The following EVL variants were observed in gnomAD, a reference collection of about 807,000 sequenced individuals.
The protein encoded by EVL is ena/VASP-like protein.
EVL carries 21 observed loss-of-function variants against 59.6 expected under a neutral mutation model. The observed-to-expected ratio is 0.35, with a 90% CI of 0.25 to 0.51. EVL has a LOEUF of 0.51. Ranked by LOEUF, EVL falls within the 20% of genes least tolerant of loss-of-function variation. EVL has a pLI of 0.97. For synonymous variants in EVL, 198 were observed against 203.5 expected, an observed-to-expected ratio of 0.97 and a Z score of 0.23; for missense variants, 462 against 546.6, an observed-to-expected ratio of 0.85 and a Z score of 1.54.
chr14:100,135,611 G>T, intron 8 of EVL: 1 of 351,494 alleles, frequency 2.8e-6, no homozygotes, highest in Non-Finnish European at 5.3e-6. Flanking sequence ...TCCGGCCCAA[G>T]GGGGGCTCAG....
intron 13 of EVL, chr14:100,142,086 C>T (rs908292005): frequency 2.6e-5 from 7 of 274,230 alleles, no homozygotes; most frequent in Admixed American, 4.5e-5. Flanking sequence ...GAGGGGAGAC[C>T]CCAGCATCGT....
intron 2 of EVL, among the ~76,000 whole-genome samples, chr14:100,088,224 G>A (rs189663232): frequency 6.6e-6 from 1 of 152,294 alleles, no homozygotes; most frequent in East Asian, 1.9e-4. Flanking sequence ...GACCTCCAAA[G>A]CCTTTGCCAG....
intron 1 of EVL, among the ~76,000 whole-genome samples, chr14:99,979,436 G>A (rs776743578): frequency 3.3e-5 from 5 of 151,500 alleles, no homozygotes; most frequent in Non-Finnish European, 7.4e-5. Flanking sequence ...CCATATTTCT[G>A]ACATTTAAGT....
Position 100,097,366 on chromosome 14 carries a change from C to T in EVL, c.181-115C>T, listed in dbSNP as rs190399374. ...ATATTGCTTTTCCCTTCTTCAAACCCCATCCCCATCTTCCTGTCCTCTCAA... is the reference window on the plus strand; with the variant it reads ...ATATTGCTTTTCCCTTCTTCAAACCTCATCCCCATCTTCCTGTCCTCTCAA... On this transcript the variant is annotated intron_variant, in intron 2 of 13. Coordinates refer to ENST00000392920, the MANE Select transcript of EVL (RefSeq NM_016337.3). 381 of 891,286 alleles carry T rather than the reference C, an allele frequency of 4.3e-4. 1 individual carries two copies. The highest frequency in any genetic ancestry group is 5.7e-4 in the Non-Finnish European group (340 of 600,116). 55.2% of individuals were successfully genotyped at this position (891,286 alleles called of 1,614,324 possible).
chr14:100,001,170 T>TAA (rs1241615697), intron 1 of EVL, among the ~76,000 whole-genome samples: 1 of 152,166 alleles, frequency 6.6e-6, no homozygotes, highest in Non-Finnish European at 1.5e-5. Context: ...TGTAAATAGG[T>TAA]TGCTGTTATT....
chr14:100,056,221 AT>A (rs201244757), intron 1 of EVL, among the ~76,000 whole-genome samples: 14 of 147,092 alleles, frequency 9.5e-5, no homozygotes, highest in African/African-American at 1.7e-4. Context: ...CTTTTTTTTA[AT>A]TTTTTTTTTG....
At chr14:100,120,057 G>T (rs1381551775) in intron 3 of EVL, among the ~76,000 whole-genome samples, 1 of 152,216 alleles carries the variant, frequency 6.6e-6, no homozygotes, top group Non-Finnish European at 1.5e-5. Context: ...AAAAGGCTGG[G>T]TCAGCAGCTC....
At chr14:99,994,749 G>T (rs1332945951) in intron 1 of EVL, among the ~76,000 whole-genome samples, 4 of 151,888 alleles carry the variant, frequency 2.6e-5, no homozygotes, top group African/African-American at 9.7e-5. Flanking sequence ...AGGGAGTTTT[G>T]TATATTCTCA....
intron 1 of EVL, among the ~76,000 whole-genome samples, chr14:99,995,515 A>G (rs1330495899): frequency 6.6e-6 from 1 of 151,392 alleles, no homozygotes; most frequent in Non-Finnish European, 1.5e-5. Flanking sequence ...TTAGTTTTCT[A>G]TCTGTGTTGT....
chr14:100,025,939 A>AAAACAAAC (rs759132197), intron 1 of EVL, among the ~76,000 whole-genome samples: 1 of 152,042 alleles, frequency 6.6e-6, no homozygotes, highest in Non-Finnish European at 1.5e-5. Context: ...TCTGTCTCCA[A>AAAACAAAC]AAACAAACAA....
intron 1 of EVL, among the ~76,000 whole-genome samples, chr14:100,076,602 A>G (rs1403846892): frequency 6.6e-6 from 1 of 152,234 alleles, no homozygotes; most frequent in Non-Finnish European, 1.5e-5. Context: ...GATTTTCTAA[A>G]AGAGGTAACA....
chr14:100,134,291 A>G (rs1432008699), intron 8 of EVL, among the ~76,000 whole-genome samples: 2 of 152,204 alleles, frequency 1.3e-5, no homozygotes, highest in African/African-American at 2.4e-5. Flanking sequence ...TTTCTTAGTC[A>G]GGTGCCAGTA....
chr14:100,051,368 G>A (rs987578186), intron 1 of EVL, among the ~76,000 whole-genome samples: 2 of 152,156 alleles, frequency 1.3e-5, no homozygotes, highest in Middle Eastern at 6.3e-3. Context: ...GTTCAGTACT[G>A]TCATGGTCCA....
In EVL at chr14:100,084,740, G is replaced by T. The variant is rs776302325; in HGVS notation, c.65G>T (p.Ser22Ile). 3.1e-6 allele frequency: 5 copies of T among 1,614,194 alleles called. No homozygotes were observed. Among genetic ancestry groups the T allele is most frequent in the Non-Finnish European group, 4.2e-6 (5 of 1,180,034 alleles). ...RASVMVYDDT[S>I]KKWVPIKPGQ... ...TCCGTGATGGTCTACGATGACACCA[G>T]TAAGAAATGGGTACCAATCAAACCT... The change falls in exon 2 of 14, where the codon AGT becomes ATT. Residue 22 changes from serine (S) to isoleucine (I), a missense_variant. By Grantham distance (142) the Ser-to-Ile change is moderately radical. Coordinates refer to ENST00000392920, the MANE Select transcript of EVL (RefSeq NM_016337.3).
intron 1 of EVL, among the ~76,000 whole-genome samples, chr14:99,975,963 A>G (rs1010636286): frequency 1.3e-5 from 2 of 152,008 alleles, no homozygotes. Flanking sequence ...GCTGTATATA[A>G]TCTGCTATTA....
intron 1 of EVL, among the ~76,000 whole-genome samples, chr14:100,048,578 GT>G (rs564039862): frequency 9.9e-4 from 150 of 152,254 alleles, no homozygotes; most frequent in African/African-American, 3.4e-3. Flanking sequence ...TCCTTATAAA[GT>G]TTTACATACA....
At chr14:100,050,364 T>TA (rs2061627757) in intron 1 of EVL, among the ~76,000 whole-genome samples, 2 of 142,404 alleles carry the variant, frequency 1.4e-5, no homozygotes, top group Admixed American at 7.0e-5. Flanking sequence ...TTTATTTATT[T>TA]TTTTTTAGAC....
At chr14:100,055,621 A>G (rs78842062) in intron 1 of EVL, among the ~76,000 whole-genome samples, 1,877 of 152,302 alleles carry the variant, frequency 0.012, 48 homozygotes, top group African/African-American at 0.043. Flanking sequence ...TGAAGATAAT[A>G]TCTCATTGTT....
At chr14:100,005,524 G>A (rs1407619965) in intron 1 of EVL, among the ~76,000 whole-genome samples, 1 of 151,636 alleles carries the variant, frequency 6.6e-6, no homozygotes, top group Non-Finnish European at 1.5e-5. Flanking sequence ...AGAGACAGCA[G>A]AAGTAAATGA....
Sources: gnomAD v4.1 joint callset for allele counts (sites outside exome capture counted in the v4.1 genomes callset) on GRCh38, gnomAD v4.1.1 for gene constraint, MANE v1.5 for transcripts, NCBI Gene and HGNC (gene_info 2026-07-23, HGNC 2026-07-21) for gene names.